Variants in CDKAL1 observed in about 807,000 individuals in gnomAD.
CDKAL1 encodes the protein CDKAL1 threonylcarbamoyladenosine tRNA methylthiotransferase, also known as threonylcarbamoyladenosine tRNA methylthiotransferase.
Under a neutral mutation model 68.2 loss-of-function variants are expected in CDKAL1, and 32 were observed. That is an observed-to-expected ratio of 0.47 (90% confidence interval 0.35 to 0.63). CDKAL1 has a LOEUF of 0.63. CDKAL1 is among the 30% of genes least tolerant of loss of function. The probability of loss-of-function intolerance (pLI) is 0.00; values close to 1 mark genes in which losing one functional copy is unlikely to be tolerated. For synonymous variants in CDKAL1, 234 were observed against 244.3 expected (o/e 0.96, Z 0.39); for missense variants, 606 against 696.7 (o/e 0.87, Z 1.47).
intron 11 of CDKAL1, among the ~76,000 whole-genome samples, chr6:21,042,963 T>TA (rs1770017105): frequency 6.6e-6 from 1 of 152,154 alleles, no homozygotes; most frequent in African/African-American, 2.4e-5. Flanking sequence ...ATAGAGATAG[T>TA]AATAGTACCT....
chr6:21,013,634 T>C (rs1179062025), intron 11 of CDKAL1, among the ~76,000 whole-genome samples: 1 of 152,216 alleles, frequency 6.6e-6, no homozygotes, highest in Non-Finnish European at 1.5e-5. Context: ...TCTATAGCTA[T>C]AGACTAAGTT....
intron 12 of CDKAL1, among the ~76,000 whole-genome samples, chr6:21,079,145 G>C (rs577684863): frequency 9.7e-4 from 148 of 152,280 alleles, no homozygotes; most frequent in Middle Eastern, 3.4e-3. Context: ...CATTGGGGCG[G>C]TGAGATATAT....
intron 5 of CDKAL1, among the ~76,000 whole-genome samples, chr6:20,660,777 T>G (rs142530670): frequency 6.6e-6 from 1 of 152,216 alleles, no homozygotes; most frequent in Non-Finnish European, 1.5e-5. Context: ...TTTTTCCTCT[T>G]TTTGGGAAAA....
At chr6:20,901,629 C>T (rs1442526005) in intron 9 of CDKAL1, among the ~76,000 whole-genome samples, 2 of 129,202 alleles carry the variant, frequency 1.5e-5, no homozygotes, top group Admixed American at 1.8e-4. Flanking sequence ...TGCAGTGAGC[C>T]GAGATTGCGC....
At chr6:21,042,222 C>G (rs181605800) in intron 11 of CDKAL1, among the ~76,000 whole-genome samples, 3 of 152,102 alleles carry the variant, frequency 2.0e-5, no homozygotes, top group South Asian at 4.2e-4. Context: ...ATGTATTGGT[C>G]TTCTATCTAA....
chr6:21,082,643 C>A (rs1435164401), intron 12 of CDKAL1, among the ~76,000 whole-genome samples: 1 of 151,940 alleles, frequency 6.6e-6, no homozygotes, highest in Non-Finnish European at 1.5e-5. Context: ...GTTTATAGGC[C>A]TTAGAAAATT....
intron 4 of CDKAL1, among the ~76,000 whole-genome samples, chr6:20,597,659 C>T (rs1446145210): frequency 6.6e-6 from 1 of 152,206 alleles, no homozygotes; most frequent in African/African-American, 2.4e-5. Flanking sequence ...AAGCAATCCA[C>T]CTGCCTCGGC....
chr6:20,962,127 C>G (rs1008071160), intron 10 of CDKAL1, among the ~76,000 whole-genome samples: 1 of 152,158 alleles, frequency 6.6e-6, no homozygotes, highest in East Asian at 1.9e-4. Context: ...TATAATAAAA[C>G]AAGTTATATA....
At chr6:20,636,728 C>G (rs1767919285) in intron 4 of CDKAL1, among the ~76,000 whole-genome samples, 1 of 152,072 alleles carries the variant, frequency 6.6e-6, no homozygotes, top group Non-Finnish European at 1.5e-5. Flanking sequence ...GAGAGTGATG[C>G]TGTTGATAAC....
At chr6:21,137,153 C>T (rs1775645921) in intron 13 of CDKAL1, among the ~76,000 whole-genome samples, 1 of 152,094 alleles carries the variant, frequency 6.6e-6, no homozygotes, top group African/African-American at 2.4e-5. Context: ...TTAATGTGAA[C>T]AAAAGGTCAC....
chr6:20,992,739 G>A (rs201344), intron 10 of CDKAL1, among the ~76,000 whole-genome samples: 137,538 of 151,822 alleles, frequency 0.91, 62,344 homozygotes, highest in Middle Eastern at 0.94. Flanking sequence ...CCGTCTCTAG[G>A]AAAAATGTAA....
At chr6:20,611,979 C>T (rs1378228470) in intron 4 of CDKAL1, among the ~76,000 whole-genome samples, 1 of 152,138 alleles carries the variant, frequency 6.6e-6, no homozygotes, top group Non-Finnish European at 1.5e-5. Context: ...TTTTTAGCCC[C>T]CACATGAGTG....
At chr6:20,923,865 A>G (rs1763066445) in intron 9 of CDKAL1, among the ~76,000 whole-genome samples, 1 of 152,176 alleles carries the variant, frequency 6.6e-6, no homozygotes, top group Admixed American at 6.5e-5. Context: ...ACAAAAGATT[A>G]TCCAGGTGTG....
intron 10 of CDKAL1, among the ~76,000 whole-genome samples, chr6:20,961,729 C>T (rs1457815308): frequency 6.7e-6 from 1 of 149,220 alleles, no homozygotes; most frequent in Admixed American, 6.7e-5. Flanking sequence ...ATCGCACCAC[C>T]GCACTCCAGC....
intron 2 of CDKAL1, among the ~76,000 whole-genome samples, chr6:20,537,847 A>G (rs2127643352): frequency 6.6e-6 from 1 of 150,778 alleles, no homozygotes; most frequent in South Asian, 2.1e-4. Context: ...TTTCATTTCC[A>G]TATGATTTAA....
chr6:20,653,255 CAT>C (rs1768856429), intron 5 of CDKAL1, among the ~76,000 whole-genome samples: 2 of 152,154 alleles, frequency 1.3e-5, no homozygotes, highest in African/African-American at 4.8e-5. Context: ...TACTGGGTAA[CAT>C]ATCTGTGTAC....
chr6:21,203,478 C>CCAAAGT (rs1562114200), intron 15 of CDKAL1, among the ~76,000 whole-genome samples: 1 of 151,228 alleles, frequency 6.6e-6, no homozygotes, highest in African/African-American at 2.4e-5. Flanking sequence ...TCAGGTGATC[C>CCAAAGT]GCCCACTTCA....
intron 4 of CDKAL1, among the ~76,000 whole-genome samples, chr6:20,627,105 G>A (rs958113289): frequency 3.9e-5 from 6 of 152,018 alleles, no homozygotes; most frequent in Non-Finnish European, 7.4e-5. Context: ...CATCTCTCCC[G>A]GGGAGATGAT....
At chr6:21,212,818 T>A (rs1160263205) in intron 15 of CDKAL1, among the ~76,000 whole-genome samples, 1 of 152,152 alleles carries the variant, frequency 6.6e-6, no homozygotes, top group Non-Finnish European at 1.5e-5. Context: ...CCTGTCCCTC[T>A]CTCTCCTGAA....
Sources: gnomAD v4.1 joint callset for allele counts (sites outside exome capture counted in the v4.1 genomes callset) on GRCh38, gnomAD v4.1.1 for gene constraint, MANE v1.5 for transcripts, NCBI Gene and HGNC (gene_info 2026-07-23, HGNC 2026-07-21) for gene names.